The following C3 variants were observed in gnomAD, a reference collection of about 807,000 sequenced individuals.
C3 encodes the protein C3 and PZP-like alpha-2-macroglobulin domain-containing protein 1.
In C3, 97 loss-of-function variants were observed where a neutral mutation model predicts 207.9. The observed-to-expected ratio is 0.47, with a 90% CI of 0.40 to 0.55. The LOEUF is 0.55. C3 is among the 20% of genes least tolerant of loss of function. The pLI, the probability that C3 is intolerant of heterozygous loss-of-function variation, is 0.00. For missense variants in C3, 1,684 were observed against 2,171.7 expected (o/e 0.78, Z 4.46); for synonymous variants, 848 against 857.6 (o/e 0.99, Z 0.20).
chr19:6,704,929 A>G (rs1967743599), intron 17 of C3, among the ~76,000 whole-genome samples: 1 of 152,046 alleles, frequency 6.6e-6, no homozygotes, highest in African/African-American at 2.4e-5. Context: ...CGTCCGTACA[A>G]AGTCTCACTA....
intron 26 of C3, 41 bp downstream of exon 26, chr19:6,692,883 A>G (rs1418344335): frequency 6.2e-7 from 1 of 1,608,204 alleles, no homozygotes; most frequent in Non-Finnish European, 8.5e-7. Context: ...GAGACTCAGG[A>G]GCCCCTCTCT....
chr19:6,699,059 G>A (rs1206914909), intron 19 of C3, among the ~76,000 whole-genome samples: 1 of 152,082 alleles, frequency 6.6e-6, no homozygotes, highest in Non-Finnish European at 1.5e-5. Flanking sequence ...GCCTCCCAAA[G>A]TGCTGGGATT....
chr19:6,712,493 C>T lies in C3; in HGVS notation c.1119+15G>A, dbSNP rs114252882. 8.3e-4 allele frequency: 1,344 copies of T among 1,613,682 alleles called. 14 individuals carry two copies. In the African/African-American group the frequency reaches 0.013, roughly 16 times the overall value. On this transcript the variant is annotated intron_variant, in intron 10 of 40. Transcript: ENST00000245907. ...CGAAGGGAGGAGTGGGACCCCTTCC[C>T]GCCCCGGGTCTCACCATGAGGTCAA...
chr19:6,693,491 C>A lies in C3; in HGVS notation c.3155-4G>T. On this transcript the variant is annotated splice_region_variant and splice_polypyrimidine_tract_variant and intron_variant, in intron 24 of 40. Transcript: ENST00000245907. ...AAGGCCAGCTGCTGGGTGTACCCTG[C>A]AGAGAAGAGAGAGGAACCCCCAAAA... 2 of 1,610,696 alleles carry A rather than the reference C, an allele frequency of 1.2e-6. No homozygotes were observed. Among genetic ancestry groups the A allele is most frequent in the Non-Finnish European group, 8.5e-7 (1 of 1,179,036 alleles).
chr19:6,686,740 C>A lies in C3; in HGVS notation c.3646+6G>T. 1.2e-6 allele frequency: 2 copies of A among 1,613,496 alleles called. No individual in the cohort carries two copies. Among genetic ancestry groups the A allele is most frequent in the Non-Finnish European group, 1.7e-6 (2 of 1,180,002 alleles). On this transcript the variant is annotated splice_donor_region_variant and intron_variant, in intron 28 of 40. Coordinates refer to ENST00000245907, the MANE Select transcript of C3 (RefSeq NM_000064.4). ...TCTCCCTTCACCCCTCCAGGCCAAC[C>A]CTCACCTTTGGCTGTGGTCAGAAAT...
Position 6,720,537 on chromosome 19 carries a change from G to A in C3, c.53C>T (p.Pro18Leu). The change falls in exon 1 of 41, where the codon CCC (proline) becomes CTC (leucine). Residue 18 changes from proline to leucine, a missense_variant. Around this residue, in one of 3 missense-constraint regions of C3, gnomAD observed 58 missense variants for 52.5 expected, o/e 1.10. Transcript: ENST00000245907. ...TCACATGGGACTCCCCAGAGCCAGG[G>A]GGAGGTGGGTTAGTAGCAGGAGCAG... ...SLLLLLLTHL[P>L]LALGSPMYSI... The A allele has an allele frequency of 3.1e-6, 5 of 1,594,548 alleles. No individual in the cohort carries two copies. Among genetic ancestry groups the A allele is most frequent in the Non-Finnish European group, 4.3e-6 (5 of 1,170,422 alleles).
chr19:6,717,647 T>C lies in C3; in HGVS notation c.504+447A>G, dbSNP rs1253450858. On this transcript the variant is annotated intron_variant, in intron 4 of 40. Coordinates refer to ENST00000245907, the MANE Select transcript of C3 (RefSeq NM_000064.4). ...GATAGTGTTGTGTGGTTGTGTGTTG[T>C]GTGTGGTGTGGTTATGTATGTTGTG... 1.6e-5 allele frequency: 4 copies of C among 255,084 alleles called. No individual in the cohort carries two copies. In the Admixed American group the frequency reaches 2.2e-4, roughly 14 times the overall value. The allele number at this position is 255,084 out of a possible 1,614,324, so 15.8% of individuals were successfully genotyped here.
At chr19:6,711,320 G>T in intron 11 of C3, 124 bp from the exon 12 acceptor site, 2 of 744,674 alleles carry the variant, frequency 2.7e-6, no homozygotes, top group South Asian at 1.5e-5. Context: ...ATTAAGTTAG[G>T]GATCTGGAGA....
chr19:6,706,574 G>GGGCCTCCTCTCCCAACAGACAGA (rs1472700432), intron 17 of C3, among the ~76,000 whole-genome samples: 1 of 151,860 alleles, frequency 6.6e-6, no homozygotes, highest in Non-Finnish European at 1.5e-5. Context: ...CCTCAGACAG[G>GGGCCTCCTCTCCCAACAGACAGA]GGCCTCCTCT....
intron 24 of C3, 63 bp downstream of exon 24, chr19:6,694,368 C>A: frequency 1.4e-6 from 2 of 1,473,434 alleles, no homozygotes; most frequent in Non-Finnish European, 1.9e-6. Context: ...GAGGTGGGAT[C>A]TTAGGGGAGG....
chr19:6,707,101 C>T lies in C3; in HGVS notation c.2220G>A (p.Arg740=). Residue 740 remains arginine, a synonymous_variant, in exon 17 of 41, where the codon CGG becomes CGA. Coordinates refer to ENST00000245907, the MANE Select transcript of C3 (RefSeq NM_000064.4). ...YITELRRQHA[R]ASHLGLARSN... is the part of the protein sequence containing the mutation. ...TCCTGGCCAGGCCCAGGTGGCTGGC[C>T]CGCGCGTGCTGCCGCCGCAGCTCTG... is the stretch of plus-strand genomic sequence containing the variant. The T allele has an allele frequency of 5.0e-6, 8 of 1,612,768 alleles. No homozygotes were observed. Among genetic ancestry groups the T allele is most frequent in the Non-Finnish European group, 6.8e-6 (8 of 1,179,800 alleles).
At chr19:6,714,132 G>A in intron 6 of C3, 34 bp downstream of exon 6, 2 of 1,608,594 alleles carry the variant, frequency 1.2e-6, no homozygotes, top group Non-Finnish European at 1.7e-6. Context: ...AGGCGTTCTG[G>A]GCACTGACTC....
intron 17 of C3, among the ~76,000 whole-genome samples, chr19:6,704,560 A>T (rs1011063420): frequency 6.6e-6 from 1 of 152,046 alleles, no homozygotes; most frequent in Non-Finnish European, 1.5e-5. Context: ...GGAGTTCGAC[A>T]CCAGCCTGGC....
Position 6,682,008 on chromosome 19 carries a change from T to C in C3, c.4283A>G (p.Tyr1428Cys). 6.2e-7 allele frequency: 1 copy of C among 1,614,116 alleles called. No individual in the cohort carries two copies. Among genetic ancestry groups the C allele is most frequent in the Non-Finnish European group, 8.5e-7 (1 of 1,179,940 alleles). The change falls in exon 35 of 41, where the codon TAC becomes TGC. Residue 1428 changes from tyrosine to cysteine, a missense_variant. By Grantham distance (194) the Tyr-to-Cys change is radical. This residue lies in a region of C3 where 346 missense variants were observed against 380.1 expected (regional missense o/e 0.91). Coordinates refer to ENST00000245907, the MANE Select transcript of C3 (RefSeq NM_000064.4). ...LKQLANGVDR[Y>C]ISKYELDKAF... ...TTTGTCCAGCTCATACTTGGAGATG[T>C]ATCTGTCAACACCATTGGCCAGCTG...
rs1968124551 is a variant in C3 at position 6,719,711 on chromosome 19, C to G, written c.75-308G>C. 6.6e-6 allele frequency among the ~76,000 whole-genome samples: 1 copy of G among 152,120 alleles called. No individual in the cohort carries two copies. Among genetic ancestry groups the G allele is most frequent in the South Asian group, 2.1e-4 (1 of 4,834 alleles). On this transcript the variant is annotated intron_variant, in intron 1 of 40. Coordinates refer to ENST00000245907, the MANE Select transcript of C3 (RefSeq NM_000064.4). The surrounding 1 kb of genome is among the most constrained non-coding windows in gnomAD (Gnocchi z 5.4). ...AACCTTCCAACCAGCGTCAGCAACT[C>G]CTCCAAGTCTCTGGACTTCCAGACC...
In C3 at chr19:6,690,482, G is replaced by C. The variant is rs11569512; in HGVS notation, c.3489+147C>G. The stretch of plus-strand genomic sequence containing the variant: ...TATTAGATGAGTTAAGTGCTCAAAA[G>C]ATGTTAGCTATTAACATGACTGCAG... On this transcript the variant is annotated intron_variant, in intron 27 of 40. Transcript: ENST00000245907. 2.9e-3 allele frequency: 2,054 copies of C among 713,540 alleles called. 27 individuals carry two copies. In the African/African-American group the frequency reaches 0.03, roughly 10 times the overall value. 44.2% of individuals were successfully genotyped at this position (713,540 alleles called of 1,614,324 possible).
intron 35 of C3, 77 bp from the exon 36 acceptor site, chr19:6,680,340 G>T: frequency 1.2e-6 from 1 of 808,706 alleles, no homozygotes; most frequent in Non-Finnish European, 2.2e-6. Context: ...CTGAGGCAGT[G>T]GTGGAGAAAC....
At chr19:6,695,925 T>G (rs1469991387) in intron 23 of C3, among the ~76,000 whole-genome samples, 1 of 152,078 alleles carries the variant, frequency 6.6e-6, no homozygotes, top group East Asian at 1.9e-4. Flanking sequence ...AAAAAAATTT[T>G]TAGGCCGGGC....
chr19:6,681,326 G>T (rs1917853203), intron 35 of C3, among the ~76,000 whole-genome samples: 1 of 115,848 alleles, frequency 8.6e-6, no homozygotes, highest in African/African-American at 3.5e-5. Context: ...AGCCTGGGAG[G>T]TCAAGGCTGC....
Sources: allele counts gnomAD v4.1 joint callset (sites outside exome capture counted in the v4.1 genomes callset), GRCh38; gene constraint gnomAD v4.1.1; regional missense constraint gnomAD v4.1.1; non-coding constraint Gnocchi (gnomAD v3.1); transcripts MANE v1.5; gene names NCBI Gene and HGNC (gene_info 2026-07-23, HGNC 2026-07-21).